VWF: variants seen among roughly 807,000 people sequenced by gnomAD.
VWF encodes the protein von Willebrand factor, also known as Factor VIII related antigen.
VWF carries 176 observed loss-of-function variants against 308.6 expected under a neutral mutation model. The observed-to-expected ratio is 0.57, with a 90% CI of 0.50 to 0.65. VWF has a LOEUF of 0.65. VWF is among the 30% of genes least tolerant of loss of function. The pLI is 0.00. For synonymous variants in VWF, 1,385 were observed against 1,443.4 expected (o/e 0.96, Z 0.92); for missense variants, 3,146 against 3,648.2 (o/e 0.86, Z 3.55).
At chr12:5,967,413 G>A (rs1303855616) in intron 47 of VWF, 73 bp downstream of exon 47, 11 of 1,128,724 alleles carry the variant, frequency 9.7e-6, no homozygotes, top group Middle Eastern at 2.0e-4. Context: ...TTTAAAGACC[G>A]CAGTGAGGTC....
At chr12:6,120,256 T>C (rs187681572) in intron 3 of VWF, among the ~76,000 whole-genome samples, 1 of 152,256 alleles carries the variant, frequency 6.6e-6, no homozygotes, top group East Asian at 1.9e-4. Context: ...CTGAGCCCTC[T>C]TCTAGATTAA....
intron 38 of VWF, among the ~76,000 whole-genome samples, chr12:5,986,996 C>T (rs1486658097): frequency 6.6e-6 from 1 of 152,218 alleles, no homozygotes; most frequent in African/African-American, 2.4e-5. Flanking sequence ...GGCATGATCT[C>T]GGCTCATTGC....
intron 41 of VWF, 26 bp from the exon 42 acceptor site, chr12:5,982,017 AGCACTGC>A: frequency 6.2e-7 from 1 of 1,609,786 alleles, no homozygotes; most frequent in Non-Finnish European, 8.5e-7. Flanking sequence ...GGCCACACTG[AGCACTGC>A]GCCCAGCCAG....
intron 10 of VWF, 87 bp from the exon 11 acceptor site, chr12:6,065,360 G>T: frequency 1.3e-6 from 2 of 1,559,056 alleles, no homozygotes; most frequent in South Asian, 1.2e-5. Flanking sequence ...TGCAAGCAGG[G>T]TGCCCTTCCC....
At chr12:6,000,986 G>T (rs1482624610) in intron 34 of VWF, among the ~76,000 whole-genome samples, 2 of 152,120 alleles carry the variant, frequency 1.3e-5, no homozygotes, top group Non-Finnish European at 2.9e-5. Context: ...TGCTGTGACA[G>T]TAGAAATAAT....
Position 6,056,941 on chromosome 12 carries a change from A to C in VWF, c.1861T>G (p.Cys621Gly). ...TAGCTGGCCAGGGCGCCGCACAGGCACTCGCGGCCGTCCGAGCAGGAGCAC... is the reference window on the plus strand; with the variant it reads ...TAGCTGGCCAGGGCGCCGCACAGGCCCTCGCGGCCGTCCGAGCAGGAGCAC... ...DVCSCSDGRE[C>G]LCGALASYAA... The change falls in exon 15 of 52, where the codon TGC becomes GGC. Residue 621 changes from cysteine to glycine, a missense_variant. Cys to Gly is a radical substitution (Grantham distance 159). Coordinates refer to ENST00000261405, the MANE Select transcript of VWF (RefSeq NM_000552.5). 7 of 1,536,414 alleles carry C rather than the reference A, an allele frequency of 4.6e-6. No homozygotes were observed. The highest frequency in any genetic ancestry group is 6.1e-6 in the Non-Finnish European group (7 of 1,146,476).
rs113240752 is a variant in VWF, at chr12:6,034,739, G to A, written c.2634C>T (p.Phe878=). The change falls in exon 20 of 52, where the codon TTC becomes TTT. Residue 878 remains phenylalanine, a synonymous_variant. Transcript: ENST00000261405. Reference sequence around the variant, plus strand: ...CGGGGAACAGGTATTTGAGCCCGTCGAAGGTGAGGTAGTGGGCCATGCCGA... The same window carrying A: ...CGGGGAACAGGTATTTGAGCCCGTCAAAGGTGAGGTAGTGGGCCATGCCGA... The part of the protein sequence containing the change: ...STIGMAHYLT[F]DGLKYLFPGE... 7.4e-6 allele frequency: 12 copies of A among 1,614,058 alleles called. No individual in the cohort carries two copies. The highest frequency in any genetic ancestry group is 2.7e-5 in the African/African-American group (2 of 74,910).
intron 38 of VWF, among the ~76,000 whole-genome samples, chr12:5,991,167 TCACACACA>T (rs201361783): frequency 0.052 from 7,077 of 134,946 alleles, 555 homozygotes; most frequent in African/African-American, 0.18. Context: ...CAAGGGATTC[TCACACACA>T]CACACACACA....
At chr12:6,078,628 AC>A (rs1387040265) in intron 6 of VWF, among the ~76,000 whole-genome samples, 1 of 152,124 alleles carries the variant, frequency 6.6e-6, no homozygotes, top group Non-Finnish European at 1.5e-5. Flanking sequence ...TGCTGCCATC[AC>A]CTGGGCTGTA....
rs771544504 is a variant in VWF, at chr12:5,993,919, C to T, written c.6541G>A (p.Ala2181Thr). ...ACCCCGTTGGTCCGACAGAGGTGGG[C>T]ATAAGAGGCGATCACCTCACACACT... ...EQVCEVIASY[A>T]HLCRTNGVCV... is the part of the protein sequence containing the mutation. The change falls in exon 37 of 52, where the codon GCC becomes ACC. Residue 2181 changes from alanine (A) to threonine (T), a missense_variant. This residue lies in a region of VWF where 989 missense variants were observed against 1,117.4 expected (regional missense o/e 0.89). Transcript: ENST00000261405. 52 of 1,613,990 alleles carry T rather than the reference C, an allele frequency of 3.2e-5. No homozygotes were observed. Among genetic ancestry groups the T allele is most frequent in the Non-Finnish European group, 4.3e-5 (51 of 1,180,006 alleles).
At chr12:5,982,024 C>A in intron 41 of VWF, 33 bp from the exon 42 acceptor site, 1 of 1,601,334 alleles carries the variant, frequency 6.2e-7, no homozygotes, top group African/African-American at 1.3e-5. Flanking sequence ...CTGAGCACTG[C>A]GCCCAGCCAG....
chr12:6,034,584 C>A (rs1944311196), intron 20 of VWF, 104 bp downstream of exon 20: 1 of 1,570,594 alleles, frequency 6.4e-7, no homozygotes, highest in African/African-American at 1.4e-5. Flanking sequence ...AACCAGACCC[C>A]AGAGTTGTTT....
At chr12:6,100,124 C>A (rs970769706) in intron 5 of VWF, among the ~76,000 whole-genome samples, 47 of 151,870 alleles carry the variant, frequency 3.1e-4, no homozygotes, top group African/African-American at 1.1e-3. Context: ...TTTATGCAGC[C>A]AAAAAACACA....
At chr12:5,956,005 TAAAC>T (rs1474975800) in intron 47 of VWF, among the ~76,000 whole-genome samples, 1 of 152,148 alleles carries the variant, frequency 6.6e-6, no homozygotes, top group African/African-American at 2.4e-5. Flanking sequence ...GGTTTAATAA[TAAAC>T]AGTCATGGGC....
intron 24 of VWF, 126 bp from the exon 25 acceptor site, chr12:6,023,913 T>C (rs2854871): frequency 0.086 from 86,744 of 1,010,306 alleles, 4,098 homozygotes; most frequent in South Asian, 0.15. Flanking sequence ...AGGAGAAATG[T>C]AGCTCAATGG....
At position 5,949,006 on chromosome 12, in the gene VWF, G is replaced by GC; in HGVS notation, c.*8dup. 1 of 1,610,282 alleles carries GC rather than the reference G, an allele frequency of 6.2e-7. No homozygotes were observed. The highest frequency in any genetic ancestry group is 8.5e-7 in the Non-Finnish European group (1 of 1,178,566). The stretch of plus-strand genomic sequence containing the variant: ...GGCAGCAGCAGGCACCCATGCAGCT[G>GC]CAGCAGCCTCACTTGCTGCACTTCC... On this transcript the variant is annotated 3_prime_UTR_variant, in exon 52 of 52. Coordinates refer to ENST00000261405, the MANE Select transcript of VWF (RefSeq NM_000552.5).
At chr12:6,031,699 TG>T in intron 20 of VWF, 121 bp from the exon 21 acceptor site, 3 of 1,481,720 alleles carry the variant, frequency 2.0e-6, no homozygotes, top group Non-Finnish European at 2.8e-6. Flanking sequence ...GCCACGTCCA[TG>T]GCTGCGCATA....
In VWF at chr12:5,983,957, AGGATGGAT is replaced by A. The variant is rs1177572019; in HGVS notation, c.6977-711_6977-704del. On this transcript the variant is annotated intron_variant, in intron 40 of 51. Coordinates refer to ENST00000261405, the MANE Select transcript of VWF (RefSeq NM_000552.5). ...GAGATAGGACAGATGATAAATACATAGGATGGATGGATAGATGGATAGATAGATAGATA... is the reference window on the plus strand; with the variant it reads ...GAGATAGGACAGATGATAAATACATAGGATAGATGGATAGATAGATAGATA... Among the ~76,000 whole-genome samples the A allele has an allele frequency of 6.2e-3, 919 of 147,432 alleles. 10 individuals carry two copies. The highest frequency in any genetic ancestry group is 0.021 in the African/African-American group (854 of 39,998).
At chr12:6,008,590 C>G in intron 34 of VWF, among the ~76,000 whole-genome samples, 1 of 152,128 alleles carries the variant, frequency 6.6e-6, no homozygotes, top group East Asian at 1.9e-4. Context: ...AAACTAAAAG[C>G]TTTTCCTCTA....
Sources: gnomAD v4.1 joint callset for allele counts (sites outside exome capture counted in the v4.1 genomes callset) on GRCh38, gnomAD v4.1.1 for gene constraint, gnomAD v4.1.1 regional missense constraint, MANE v1.5 for transcripts, NCBI Gene and HGNC (gene_info 2026-07-23, HGNC 2026-07-21) for gene names.